CDH9: variants seen among roughly 807,000 people sequenced by gnomAD.
The protein encoded by CDH9 is cadherin 9, also known as cadherin-9.
In CDH9, 28 loss-of-function variants were observed where a neutral mutation model predicts 70.9. That is an observed-to-expected ratio of 0.40 (90% CI 0.29 to 0.54). CDH9 has a LOEUF of 0.54. Ranked by LOEUF, CDH9 falls within the 20% of genes least tolerant of loss-of-function variation. The pLI, the probability that CDH9 is intolerant of heterozygous loss-of-function variation, is 0.59. For synonymous variants in CDH9, 409 were observed against 343.1 expected (o/e 1.19, Z -2.12); for missense variants, 874 against 984.4 (o/e 0.89, Z 1.50).
chr5:26,927,884 G>A (rs1741372195), intron 2 of CDH9, among the ~76,000 whole-genome samples: 1 of 151,854 alleles, frequency 6.6e-6, no homozygotes, highest in South Asian at 2.1e-4. Context: ...TCTTATTAGT[G>A]GCCCCCACAG....
chr5:26,958,324 T>A (rs1741979071), intron 2 of CDH9, among the ~76,000 whole-genome samples: 1 of 152,164 alleles, frequency 6.6e-6, no homozygotes, highest in Non-Finnish European at 1.5e-5. Flanking sequence ...ACGGTTTGTA[T>A]CCAAATTGAA....
chr5:26,916,056 T>C (rs1741143675), intron 2 of CDH9, 132 bp from the exon 3 acceptor site: 4 of 598,214 alleles, frequency 6.7e-6, no homozygotes, highest in South Asian at 2.8e-5. Context: ...TCTTGACTTT[T>C]GCTGTGAGAG....
chr5:26,906,914 T>G, intron 3 of CDH9, 76 bp from the exon 4 acceptor site: 1 of 1,463,408 alleles, frequency 6.8e-7, no homozygotes. Context: ...TAAAAATATG[T>G]TGCTCTCAGT....
At chr5:26,955,195 T>C (rs931720094) in intron 2 of CDH9, among the ~76,000 whole-genome samples, 5 of 152,212 alleles carry the variant, frequency 3.3e-5, no homozygotes, top group African/African-American at 1.2e-4. Context: ...CTGAAATGTT[T>C]TATCTCCTCT....
intron 1 of CDH9, among the ~76,000 whole-genome samples, chr5:27,014,151 C>T (rs1315326067): frequency 7.9e-5 from 12 of 151,916 alleles, no homozygotes; most frequent in Admixed American, 7.2e-4. Context: ...TTATCAATCA[C>T]ATCAAACTGT....
rs534822627 is a variant in CDH9 at position 26,890,753 on chromosome 5, T to G, written c.1254-189A>C. On this transcript the variant is annotated intron_variant, in intron 7 of 11. Transcript: ENST00000231021. ...ATTTCATATGTTTGACTCTTTCTAC[T>G]TACTATATTATCCTATGTGTACTTT... is the stretch of plus-strand genomic sequence containing the variant. The G allele has an allele frequency of 3.8e-5, 21 of 554,778 alleles. No individual in the cohort carries two copies. In the South Asian group the frequency reaches 4.0e-4, roughly 11 times the overall value. 34.4% of individuals were successfully genotyped at this position (554,778 alleles called of 1,614,324 possible).
intron 2 of CDH9, among the ~76,000 whole-genome samples, chr5:26,941,481 T>A (rs1021310455): frequency 6.6e-6 from 1 of 152,172 alleles, no homozygotes; most frequent in African/African-American, 2.4e-5. Context: ...ACTCAGCTGC[T>A]CCCTGTCATT....
chr5:26,957,775 T>C (rs1210755435), intron 2 of CDH9, among the ~76,000 whole-genome samples: 1 of 152,224 alleles, frequency 6.6e-6, no homozygotes, highest in Non-Finnish European at 1.5e-5. Context: ...GCAGATTCCA[T>C]GGTATAAAAA....
At chr5:26,952,458 C>CAAAAAAAAAAAAAAA (rs766973787) in intron 2 of CDH9, among the ~76,000 whole-genome samples, 1 of 9,966 alleles carries the variant, frequency 1.0e-4, no homozygotes, top group Non-Finnish European at 2.6e-4. Flanking sequence ...ACTAAAAATA[C>CAAAAAAAAAAAAAAA]AAAAAAAAAA....
chr5:27,007,073 G>A (rs528601868), intron 1 of CDH9, among the ~76,000 whole-genome samples: 30 of 152,228 alleles, frequency 2.0e-4, no homozygotes, highest in Admixed American at 2.0e-4. Flanking sequence ...AGCTATAAAT[G>A]AATTTTCAGC....
intron 9 of CDH9, among the ~76,000 whole-genome samples, chr5:26,888,678 A>G (rs866782733): frequency 2.0e-5 from 3 of 152,168 alleles, no homozygotes; most frequent in Non-Finnish European, 2.9e-5. Context: ...TGCCATAACA[A>G]TCCCACACAC....
intron 7 of CDH9, among the ~76,000 whole-genome samples, chr5:26,892,526 C>T (rs1298521194): frequency 6.6e-6 from 1 of 152,204 alleles, no homozygotes; most frequent in South Asian, 2.1e-4. Flanking sequence ...TAATCAGCCT[C>T]TGCTGTAGTC....
At chr5:27,016,449 C>T (rs1743048261) in intron 1 of CDH9, among the ~76,000 whole-genome samples, 1 of 151,710 alleles carries the variant, frequency 6.6e-6, no homozygotes, top group African/African-American at 2.4e-5. Context: ...AGAAAGAGAA[C>T]CCACTTTTCC....
intron 2 of CDH9, among the ~76,000 whole-genome samples, chr5:26,938,580 A>C (rs549945554): frequency 2.0e-5 from 3 of 152,230 alleles, no homozygotes; most frequent in South Asian, 2.1e-4. Flanking sequence ...ATTTTGAATA[A>C]AATTAATAAT....
chr5:26,903,345 C>A, intron 6 of CDH9: 1 of 476,822 alleles, frequency 2.1e-6, no homozygotes, highest in South Asian at 2.0e-5. Flanking sequence ...ATAATGATGG[C>A]TGTGTGTTTA....
chr5:27,021,343 C>A (rs1282292777), intron 1 of CDH9, among the ~76,000 whole-genome samples: 1 of 151,472 alleles, frequency 6.6e-6, no homozygotes, highest in East Asian at 1.9e-4. Context: ...ATTGTATATT[C>A]CCCCAGAAGA....
chr5:26,937,309 C>T (rs931564301), intron 2 of CDH9, among the ~76,000 whole-genome samples: 1 of 152,106 alleles, frequency 6.6e-6, no homozygotes, highest in South Asian at 2.1e-4. Flanking sequence ...CAAACTAAAA[C>T]AATGAGACAG....
At chr5:27,014,466 T>A (rs1561040801) in intron 1 of CDH9, among the ~76,000 whole-genome samples, 2 of 151,848 alleles carry the variant, frequency 1.3e-5, no homozygotes, top group Non-Finnish European at 2.9e-5. Flanking sequence ...ACTCAGGAAG[T>A]TTGTCTTTAG....
rs568973672 is a variant in CDH9, at chr5:27,032,992, T to C, written c.-50+5471A>G. On this transcript the variant is annotated intron_variant, in intron 1 of 11. Transcript: ENST00000231021. ...TCTATGTTATATATTTCTCATCCAC[T>C]GTAAATGTGGGTAAAAAGATAATAA... Among the ~76,000 whole-genome samples, 95 of 151,326 alleles carry C rather than the reference T, an allele frequency of 6.3e-4. No homozygotes were observed. In the South Asian group the frequency reaches 7.1e-3, roughly 11 times the overall value.
Sources: gnomAD v4.1 joint callset for allele counts (sites outside exome capture counted in the v4.1 genomes callset) on GRCh38, gnomAD v4.1.1 for gene constraint, MANE v1.5 for transcripts, NCBI Gene and HGNC (gene_info 2026-07-23, HGNC 2026-07-21) for gene names.